Variants in PPP4R3B observed in about 807,000 individuals in gnomAD.
PPP4R3B encodes serine/threonine-protein phosphatase 4 regulatory subunit 3B.
A neutral mutation model predicts 95.4 loss-of-function variants in PPP4R3B; 52 were observed. That is an observed-to-expected ratio of 0.54 (90% CI 0.44 to 0.69). The LOEUF is 0.69. Ranked by LOEUF, PPP4R3B falls within the 30% of genes least tolerant of loss-of-function variation. The pLI is 0.00. For missense variants in PPP4R3B, 1,003 were observed against 1,005.9 expected, an observed-to-expected ratio of 1.00 and a Z score of 0.04; for synonymous variants, 407 against 343.9, an observed-to-expected ratio of 1.18 and a Z score of -2.03.
At chr2:55,562,151 G>C (rs1686713171) in intron 15 of PPP4R3B, among the ~76,000 whole-genome samples, 1 of 152,174 alleles carries the variant, frequency 6.6e-6, no homozygotes, top group Non-Finnish European at 1.5e-5. Flanking sequence ...GCCGGGCTTG[G>C]TGGCTCATGC....
intron 7 of PPP4R3B, among the ~76,000 whole-genome samples, chr2:55,584,376 G>A (rs1689844291): frequency 6.6e-6 from 1 of 152,040 alleles, no homozygotes; most frequent in African/African-American, 2.4e-5. Flanking sequence ...GGTGGTTGGG[G>A]AACAGGTGGT....
In PPP4R3B at chr2:55,598,906, T is replaced by C; in HGVS notation, c.431A>G (p.Glu144Gly). Residue 144 changes from glutamate (E) to glycine (G), a missense_variant, in exon 4 of 17, where the codon GAG (glutamate) becomes GGG (glycine). This residue lies in a region of PPP4R3B where 695 missense variants were observed against 686.2 expected (regional missense o/e 1.01). Coordinates refer to ENST00000616407, the MANE Select transcript of PPP4R3B (RefSeq NM_001122964.3). ...CACTGAGGTAACTAAGTCAGCAATCTCTTCAAGTTTATTGAGTTCACATGT... is the reference window on the plus strand; with the variant it reads ...CACTGAGGTAACTAAGTCAGCAATCCCTTCAAGTTTATTGAGTTCACATGT... ...LPTCELNKLEEIADLVTSVLS... is the reference protein window; with the variant it reads ...LPTCELNKLEGIADLVTSVLS... The C allele has an allele frequency of 6.2e-7, 1 of 1,614,164 alleles. No homozygotes were observed. The highest frequency in any genetic ancestry group is 8.5e-7 in the Non-Finnish European group (1 of 1,180,038).
rs1352017091 is a variant in PPP4R3B at position 55,573,701 on chromosome 2, G to T, written c.1683C>A (p.His561Gln). The change falls in exon 12 of 17, where the codon CAC becomes CAA. Residue 561 changes from histidine (H) to glutamine (Q), a missense_variant. Physicochemically the swap from His to Gln is conservative, Grantham distance 24. This residue lies in a region of PPP4R3B where 695 missense variants were observed against 686.2 expected (regional missense o/e 1.01). Transcript: ENST00000616407. ...CCTTGTTCATAATATAGTTTTTTAT[G>T]TGATATGTGTGATGTTCCACACAAA... ...LTFCVEHHTY[H>Q]IKNYIMNKDL... is the part of the protein sequence containing the mutation. 1 of 1,546,314 alleles carries T rather than the reference G, an allele frequency of 6.5e-7. No individual in the cohort carries two copies. The highest frequency in any genetic ancestry group is 1.2e-5 in the South Asian group (1 of 82,466).
chr2:55,588,410 G>A lies in PPP4R3B; in HGVS notation c.999+469C>T, dbSNP rs546595872. Among the ~76,000 whole-genome samples the A allele has an allele frequency of 2.1e-4, 32 of 152,080 alleles. 1 individual carries two copies. Among genetic ancestry groups the A allele is most frequent in the African/African-American group, 7.0e-4 (29 of 41,472 alleles). ...TGCCTGTAATCCCAGCTACTTGGGA[G>A]GCTGAGGCGGGAGAATCCCTTGAAC... On this transcript the variant is annotated intron_variant, in intron 5 of 16. Transcript: ENST00000616407.
chr2:55,587,538 C>T (rs1690313577), intron 5 of PPP4R3B, among the ~76,000 whole-genome samples: 1 of 152,216 alleles, frequency 6.6e-6, no homozygotes, highest in East Asian at 1.9e-4. Context: ...GAGTTGAAAT[C>T]ATGCCACTGC....
intron 12 of PPP4R3B, among the ~76,000 whole-genome samples, chr2:55,572,716 T>C (rs1283264564): frequency 2.0e-5 from 3 of 152,130 alleles, no homozygotes; most frequent in Non-Finnish European, 4.4e-5. Context: ...ATCTATCCTA[T>C]AGAAAGAAAT....
chr2:55,564,388 C>T lies in PPP4R3B; in HGVS notation c.2185G>A (p.Val729Met). 1 of 1,613,912 alleles carries T rather than the reference C, an allele frequency of 6.2e-7. No individual in the cohort carries two copies. The highest frequency in any genetic ancestry group is 1.1e-5 in the South Asian group (1 of 91,072). ...EDEEEEGKAV[V>M]APVEKPKPED... ...GGCTTAGGTTTTTCCACTGGTGCCA[C>T]AACTGCTTTTCCTTCCTCTTCTTCA... The change falls in exon 15 of 17, where the codon GTG becomes ATG. Residue 729 changes from valine (V) to methionine (M), a missense_variant. Val to Met is a conservative substitution (Grantham distance 21, BLOSUM62 1). Around this residue, in one of 3 missense-constraint regions of PPP4R3B, gnomAD observed 229 missense variants for 194.7 expected, o/e 1.18. Coordinates refer to ENST00000616407, the MANE Select transcript of PPP4R3B (RefSeq NM_001122964.3).
At chr2:55,552,040 G>A (rs1019929780) in intron 16 of PPP4R3B, among the ~76,000 whole-genome samples, 1 of 152,024 alleles carries the variant, frequency 6.6e-6, no homozygotes, top group Non-Finnish European at 1.5e-5. Context: ...TATTCCAAAT[G>A]GTTAACACTT....
chr2:55,603,743 T>C (rs543066824), intron 3 of PPP4R3B, among the ~76,000 whole-genome samples: 4 of 152,330 alleles, frequency 2.6e-5, no homozygotes, highest in Admixed American at 1.3e-4. Context: ...AAGGTATTAA[T>C]TATGAGCATA....
At position 55,598,961 on chromosome 2, in the gene PPP4R3B, G is replaced by A. The variant is rs1348457566; in HGVS notation, c.376C>T (p.Pro126Ser). 3 of 1,614,100 alleles carry A rather than the reference G, an allele frequency of 1.9e-6. No homozygotes were observed. The highest frequency in any genetic ancestry group is 2.2e-5 in the East Asian group (1 of 44,880). Residue 126 changes from proline (P) to serine (S), a missense_variant, in exon 4 of 17, where the codon CCT becomes TCT. Coordinates refer to ENST00000616407, the MANE Select transcript of PPP4R3B (RefSeq NM_001122964.3). ...ESEEERFEEM[P>S]ETSHLIDLPT... is the part of the protein sequence containing the mutation. ...AGGTCAATCAGATGACTAGTTTCAG[G>A]CATTTCTTCAAATCGTTCTTCTTCA...
chr2:55,601,247 A>T (rs1336582632), intron 3 of PPP4R3B, among the ~76,000 whole-genome samples: 1 of 151,996 alleles, frequency 6.6e-6, no homozygotes, highest in Non-Finnish European at 1.5e-5. Context: ...AGGGTTAAGC[A>T]ATAGGTTTGC....
chr2:55,610,748 T>C (rs1299240021), intron 2 of PPP4R3B, among the ~76,000 whole-genome samples: 3 of 152,230 alleles, frequency 2.0e-5, no homozygotes, highest in Non-Finnish European at 4.4e-5. Context: ...AGCTATCTTA[T>C]TATCATTCTT....
intron 2 of PPP4R3B, among the ~76,000 whole-genome samples, chr2:55,610,819 C>T (rs759702873): frequency 6.6e-6 from 1 of 151,996 alleles, no homozygotes; most frequent in Non-Finnish European, 1.5e-5. Context: ...TTTTCTTAAA[C>T]CCAATTAACA....
At chr2:55,560,825 G>A (rs115358899) in intron 15 of PPP4R3B, among the ~76,000 whole-genome samples, 6,089 of 145,962 alleles carry the variant, frequency 0.042, 185 homozygotes, top group South Asian at 0.096. Context: ...GCCTTCTGGC[G>A]GTTTCTAAAA....
intron 5 of PPP4R3B, among the ~76,000 whole-genome samples, chr2:55,587,983 A>G (rs1246182381): frequency 6.6e-6 from 1 of 152,260 alleles, no homozygotes; most frequent in Non-Finnish European, 1.5e-5. Context: ...AATATCAGAT[A>G]GCTAAATTAT....
chr2:55,602,873 A>G (rs1692828065), intron 3 of PPP4R3B, among the ~76,000 whole-genome samples: 1 of 152,162 alleles, frequency 6.6e-6, no homozygotes, highest in Admixed American at 6.5e-5. Context: ...AATTATGGAA[A>G]TTGAGAGTGC....
chr2:55,599,534 C>G (rs1416024063), intron 3 of PPP4R3B, among the ~76,000 whole-genome samples: 1 of 152,192 alleles, frequency 6.6e-6, no homozygotes, highest in Non-Finnish European at 1.5e-5. Flanking sequence ...AGTAGGGCCC[C>G]TTCCCCTATT....
chr2:55,578,413 A>G, intron 9 of PPP4R3B, 71 bp from the exon 10 acceptor site: 1 of 1,191,588 alleles, frequency 8.4e-7, no homozygotes, highest in Non-Finnish European at 1.1e-6. Flanking sequence ...TTATATTATT[A>G]TCTATATATT....
chr2:55,605,424 G>C (rs991748655), intron 2 of PPP4R3B, among the ~76,000 whole-genome samples: 3 of 152,070 alleles, frequency 2.0e-5, no homozygotes, highest in African/African-American at 7.2e-5. Context: ...AGTACTTTTT[G>C]GCTTTAAACA....
Sources: allele counts gnomAD v4.1 joint callset (sites outside exome capture counted in the v4.1 genomes callset), GRCh38; gene constraint gnomAD v4.1.1; regional missense constraint gnomAD v4.1.1; transcripts MANE v1.5; gene names NCBI Gene and HGNC (gene_info 2026-07-23, HGNC 2026-07-21).